ATP2C1: variants seen among roughly 807,000 people sequenced by gnomAD.
ATP2C1 encodes the protein ATPase secretory pathway Ca2+ transporting 1.
A neutral mutation model predicts 120.5 loss-of-function variants in ATP2C1; 31 were observed. That is an observed-to-expected ratio of 0.26 (90% CI 0.19 to 0.35). The LOEUF is 0.35. Ranked by LOEUF, ATP2C1 falls within the 10% of genes least tolerant of loss-of-function variation. The pLI is 1.00. For missense variants in ATP2C1, 731 were observed against 1,107.5 expected (o/e 0.66, Z 4.83); for synonymous variants, 351 against 358.7 (o/e 0.98, Z 0.24).
intron 17 of ATP2C1, among the ~76,000 whole-genome samples, chr3:130,974,212 A>G (rs2061448064): frequency 6.6e-6 from 1 of 152,246 alleles, no homozygotes; most frequent in African/African-American, 2.4e-5. Flanking sequence ...TTAACTTTAT[A>G]AAAGACAAAA....
intron 2 of ATP2C1, among the ~76,000 whole-genome samples, chr3:130,916,101 A>T (rs2058675990): frequency 6.6e-6 from 1 of 152,114 alleles, no homozygotes; most frequent in Non-Finnish European, 1.5e-5. Flanking sequence ...CTCATGGAGT[A>T]TGAGTATTTA....
At chr3:130,850,868 T>C in exon 1 of ATP2C1, 1 of 1,448,708 alleles carries the variant, frequency 6.9e-7, no homozygotes, top group Non-Finnish European at 9.1e-7. Flanking sequence ...TCAAAAAATA[T>C]CCTCTCCATG....
intron 1 of ATP2C1, among the ~76,000 whole-genome samples, chr3:130,855,641 A>G (rs1393850240): frequency 6.6e-6 from 1 of 152,170 alleles, no homozygotes; most frequent in Non-Finnish European, 1.5e-5. Flanking sequence ...TCTGTTATGT[A>G]TAGTGAACCC....
chr3:130,956,841 C>A (rs780306494), intron 11 of ATP2C1, among the ~76,000 whole-genome samples: 2 of 152,118 alleles, frequency 1.3e-5, no homozygotes, highest in Admixed American at 6.5e-5. Flanking sequence ...GTGGGTTGAT[C>A]ATTTTTATTT....
chr3:130,925,637 T>G (rs189716575), intron 2 of ATP2C1, among the ~76,000 whole-genome samples: 1 of 152,218 alleles, frequency 6.6e-6, no homozygotes, highest in Non-Finnish European at 1.5e-5. Context: ...AGACACTTGG[T>G]CAAGTATTCA....
chr3:130,933,199 G>C (rs552863877), intron 4 of ATP2C1, among the ~76,000 whole-genome samples: 1 of 152,298 alleles, frequency 6.6e-6, no homozygotes, highest in African/African-American at 2.4e-5. Flanking sequence ...AATAGTGCCT[G>C]TAATGTAGTT....
rs115320424 is a variant in ATP2C1, at chr3:130,935,739, T to G, written c.324+1028T>G. On this transcript the variant is annotated intron_variant, in intron 5 of 27. Coordinates refer to ENST00000510168, the MANE Select transcript of ATP2C1 (RefSeq NM_001378687.1). The stretch of plus-strand genomic sequence containing the variant: ...TCAGAGTAATGGCACCCAACTTTGT[T>G]AACAGTCATTGTTTTCTTTCATGTT... 7.6e-3 allele frequency among the ~76,000 whole-genome samples: 1,155 copies of G among 152,356 alleles called. 18 individuals carry two copies. Among genetic ancestry groups the G allele is most frequent in the African/African-American group, 0.026 (1,101 of 41,588 alleles).
intron 20 of ATP2C1, among the ~76,000 whole-genome samples, chr3:130,984,121 C>T (rs191510593): frequency 1.4e-4 from 22 of 152,216 alleles, no homozygotes; most frequent in African/African-American, 5.3e-4. Flanking sequence ...TTGAGGCCCA[C>T]AGTACTTGGG....
chr3:131,016,000 G>T, intron 26 of ATP2C1: 1 of 1,007,736 alleles, frequency 9.9e-7, no homozygotes. Context: ...CTGTAACAGT[G>T]ACTCAAAATC....
At chr3:130,905,534 C>T (rs574442994) in intron 2 of ATP2C1, among the ~76,000 whole-genome samples, 2 of 152,166 alleles carry the variant, frequency 1.3e-5, no homozygotes, top group African/African-American at 4.8e-5. Context: ...AACTAGAGTA[C>T]AATATTTGTC....
intron 6 of ATP2C1, 98 bp from the exon 7 acceptor site, chr3:130,940,532 A>C: frequency 2.4e-6 from 2 of 824,876 alleles, no homozygotes; most frequent in Admixed American, 4.0e-5. Flanking sequence ...AAAGATGAGA[A>C]TTGGGGGAAA....
rs1190441287 is a variant in ATP2C1 at position 131,001,645 on chromosome 3, A to AT, written c.*295_*296insT. 9.2e-7 allele frequency: 1 copy of AT among 1,086,294 alleles called. No individual in the cohort carries two copies. Among genetic ancestry groups the AT allele is most frequent in the East Asian group, 7.1e-5 (1 of 14,030 alleles). The allele number at this position is 1,086,294 out of a possible 1,614,324, so 67.3% of individuals were successfully genotyped here. A position where few individuals can be genotyped will look rare whatever the true frequency, so the allele number is the denominator to read the frequency against. On this transcript the variant is annotated 3_prime_UTR_variant, in exon 28 of 28. Coordinates refer to ENST00000510168, the MANE Select transcript of ATP2C1 (RefSeq NM_001378687.1). ...AAAACCTGAACCACCTTCTGCACTT[A>AT]AAGAAGTCTAACAGTACAAATACAC...
intron 26 of ATP2C1, among the ~76,000 whole-genome samples, chr3:131,011,980 CTG>C (rs1033286398): frequency 1.3e-5 from 2 of 152,142 alleles, no homozygotes; most frequent in African/African-American, 4.8e-5. Flanking sequence ...CATTATTAGA[CTG>C]TCACTGCTTT....
intron 26 of ATP2C1, among the ~76,000 whole-genome samples, chr3:131,010,041 C>A (rs918003505): frequency 2.0e-5 from 3 of 152,020 alleles, no homozygotes; most frequent in Non-Finnish European, 4.4e-5. Flanking sequence ...GAGAGCAGCA[C>A]CCAGTGAAAT....
upstream of ATP2C1, among the ~76,000 whole-genome samples, chr3:130,890,357 G>A (rs183955321): frequency 5.9e-5 from 9 of 152,196 alleles, no homozygotes; most frequent in East Asian, 1.4e-3. Context: ...GCATCCCATC[G>A]ACACTCATGT....
intron 1 of ATP2C1, among the ~76,000 whole-genome samples, chr3:130,875,434 A>G (rs958362657): frequency 1.3e-5 from 2 of 152,224 alleles, no homozygotes; most frequent in Non-Finnish European, 2.9e-5. Flanking sequence ...AGGTTCATCC[A>G]TGTTGCCATG....
At chr3:130,983,858 G>A (rs981145411) in intron 20 of ATP2C1, among the ~76,000 whole-genome samples, 1 of 152,126 alleles carries the variant, frequency 6.6e-6, no homozygotes, top group East Asian at 1.9e-4. Context: ...TTTCTTGTGA[G>A]CACTAAATAA....
In ATP2C1 at chr3:130,851,283, A is replaced by G. The variant is rs377266687; in HGVS notation, c.108+355A>G. 5.3e-5 allele frequency among the ~76,000 whole-genome samples: 8 copies of G among 152,372 alleles called. No homozygotes were observed. In the South Asian group the frequency reaches 1.2e-3, roughly 24 times the overall value. On this transcript the variant is annotated intron_variant, in intron 1 of 26. Transcript: ENST00000504381. ...CTCAACAAAGAAAGTATCAGACCCT[A>G]GAAGTACACTTGTCTTCTTGTATTT...
At chr3:130,920,565 AG>A (rs2058907267) in intron 2 of ATP2C1, among the ~76,000 whole-genome samples, 1 of 152,028 alleles carries the variant, frequency 6.6e-6, no homozygotes, top group Non-Finnish European at 1.5e-5. Flanking sequence ...CATACTGTTT[AG>A]ATTATGGTAG....
Sources: allele counts gnomAD v4.1 joint callset (sites outside exome capture counted in the v4.1 genomes callset), GRCh38; gene constraint gnomAD v4.1.1; transcripts MANE v1.5; gene names NCBI Gene and HGNC (gene_info 2026-07-23, HGNC 2026-07-21).